Variants in ABCB1 observed in about 807,000 individuals in gnomAD.
The protein encoded by ABCB1 is ATP binding cassette subfamily B member 1.
Under a neutral mutation model 142.0 loss-of-function variants are expected in ABCB1, and 69 were observed. The ratio of observed to expected loss-of-function variants is 0.49; its 90% CI spans 0.40 to 0.59. The LOEUF is 0.59. Among genes scored for constraint, ABCB1 ranks in the 20% least tolerant of loss-of-function variants. The pLI, the probability that ABCB1 is intolerant of heterozygous loss-of-function variation, is 0.00. For synonymous variants in ABCB1, 532 were observed against 539.2 expected, an observed-to-expected ratio of 0.99 and a Z score of 0.18; for missense variants, 1,326 against 1,554.7, an observed-to-expected ratio of 0.85 and a Z score of 2.47.
At chr7:87,517,499 G>C (rs958995082) in intron 23 of ABCB1, among the ~76,000 whole-genome samples, 10 of 152,112 alleles carry the variant, frequency 6.6e-5, no homozygotes, top group African/African-American at 2.4e-4. Context: ...AGACACATGA[G>C]TAAGTCCAGC....
chr7:87,562,754 C>G (rs541540137), intron 7 of ABCB1, among the ~76,000 whole-genome samples: 1 of 141,090 alleles, frequency 7.1e-6, no homozygotes, highest in African/African-American at 2.7e-5. Context: ...GAGATCATGT[C>G]TGTGAAAAGA....
At chr7:87,631,019 G>A (rs1415044154) in intron 1 of ABCB1, among the ~76,000 whole-genome samples, 4 of 152,142 alleles carry the variant, frequency 2.6e-5, no homozygotes, top group Admixed American at 1.3e-4. Flanking sequence ...AAATGAATAT[G>A]TGCTAACTTT....
chr7:87,667,082 G>T (rs1343574109), intron 1 of ABCB1, among the ~76,000 whole-genome samples: 1 of 152,164 alleles, frequency 6.6e-6, no homozygotes, highest in African/African-American at 2.4e-5. Context: ...GCTTTGGGCA[G>T]TATAGCCATT....
intron 1 of ABCB1, chr7:87,628,667 A>T (rs927620536): frequency 2.4e-6 from 1 of 415,550 alleles, no homozygotes; most frequent in African/African-American, 2.1e-5. Context: ...CCCGGGTGCG[A>T]GTCCCTGCTG....
At chr7:87,668,952 G>A (rs1378163644) in intron 1 of ABCB1, among the ~76,000 whole-genome samples, 1 of 152,008 alleles carries the variant, frequency 6.6e-6, no homozygotes, top group Non-Finnish European at 1.5e-5. Context: ...GTATATTCTG[G>A]TGTTTTTTGG....
At chr7:87,707,738 C>T (rs1829737037) in intron 1 of ABCB1, among the ~76,000 whole-genome samples, 1 of 151,918 alleles carries the variant, frequency 6.6e-6, no homozygotes, top group Non-Finnish European at 1.5e-5. Context: ...ACATTCTTAT[C>T]ATACACCCAG....
At chr7:87,656,524 T>C (rs1353240903) in intron 1 of ABCB1, among the ~76,000 whole-genome samples, 4 of 151,824 alleles carry the variant, frequency 2.6e-5, no homozygotes, top group African/African-American at 7.3e-5. Context: ...AGGTTTGTTT[T>C]GGACACTTGA....
chr7:87,673,999 G>A (rs1025239502), intron 1 of ABCB1, among the ~76,000 whole-genome samples: 5 of 152,098 alleles, frequency 3.3e-5, no homozygotes, highest in Admixed American at 6.5e-5. Context: ...AGCACTCCTC[G>A]GCTGTGTGCT....
At chr7:87,607,115 A>T (rs1819682585) in intron 1 of ABCB1, among the ~76,000 whole-genome samples, 1 of 152,318 alleles carries the variant, frequency 6.6e-6, no homozygotes, top group East Asian at 1.9e-4. Context: ...AAGAAAATAC[A>T]TGGGAGGCTG....
At chr7:87,513,939 T>A (rs28401801) in intron 25 of ABCB1, among the ~76,000 whole-genome samples, 4,375 of 152,274 alleles carry the variant, frequency 0.029, 213 homozygotes, top group African/African-American at 0.099. Flanking sequence ...GACGTCTTTA[T>A]TTAGAGTCCT....
Position 87,515,316 on chromosome 7 carries a change from A to T in ABCB1, c.3197T>A (p.Leu1066Gln). The change falls in exon 25 of 28, where the codon CTG becomes CAG. Residue 1066 changes from leucine to glutamine, a missense_variant. Physicochemically the swap from Leu to Gln is moderately radical, Grantham distance 113. Transcript: ENST00000622132. ...LSLEVKKGQT[L>Q]ALVGSSGCGK... is the part of the protein sequence containing the mutation. ...ACAGCCACTGCTGCCCACCAGAGCC[A>T]GCGTCTGGCCCTTCTTCACCTCCAG... 1 of 1,614,224 alleles carries T rather than the reference A, an allele frequency of 6.2e-7. No homozygotes were observed. Among genetic ancestry groups the T allele is most frequent in the Non-Finnish European group, 8.5e-7 (1 of 1,180,030 alleles).
In ABCB1 at chr7:87,549,865, T is replaced by C. The variant is rs148455513; in HGVS notation, c.1540A>G (p.Met514Val). The C allele has an allele frequency of 4.3e-6, 7 of 1,614,104 alleles. No individual in the cohort carries two copies. Among genetic ancestry groups the C allele is most frequent in the Non-Finnish European group, 5.1e-6 (6 of 1,180,046 alleles). ...VKEANAYDFI[M>V]KLPHKFDTLV... ...GGACAACTTACATGAGGCAGTTTCATGATAAAGTCATAGGCATTGGCTTCC... is the reference window on the plus strand; with the variant it reads ...GGACAACTTACATGAGGCAGTTTCACGATAAAGTCATAGGCATTGGCTTCC... Residue 514 changes from methionine (M) to valine (V), a missense_variant, in exon 13 of 28, where the codon ATG becomes GTG. Met to Val is a conservative substitution (Grantham distance 21, BLOSUM62 1). Coordinates refer to ENST00000622132, the MANE Select transcript of ABCB1 (RefSeq NM_001348946.2).
At position 87,509,330 on chromosome 7, in the gene ABCB1, A is replaced by G; in HGVS notation, c.3434T>C (p.Ile1145Thr). 2 of 1,614,044 alleles carry G rather than the reference A, an allele frequency of 1.2e-6. No individual in the cohort carries two copies. Among genetic ancestry groups the G allele is most frequent in the Non-Finnish European group, 1.7e-6 (2 of 1,180,012 alleles). The change falls in exon 26 of 28, where the codon ATT (isoleucine) becomes ACT (threonine). Residue 1145 changes from isoleucine to threonine, a missense_variant. Transcript: ENST00000622132. Reference sequence around the variant, plus strand: ...GTTGGCCTCCTTTGCTGCCCTCACAATCTCTTCCTGTGACACCACCCGGCT... The same window carrying G: ...GTTGGCCTCCTTTGCTGCCCTCACAGTCTCTTCCTGTGACACCACCCGGCT... ...DNSRVVSQEE[I>T]VRAAKEANIH...
chr7:87,661,587 A>C (rs1824721390), intron 1 of ABCB1, among the ~76,000 whole-genome samples: 1 of 151,994 alleles, frequency 6.6e-6, no homozygotes, highest in African/African-American at 2.4e-5. Flanking sequence ...GTGTTTTTGC[A>C]AATGATAGGA....
intron 4 of ABCB1, among the ~76,000 whole-genome samples, chr7:87,571,925 T>C (rs1000149378): frequency 3.9e-5 from 6 of 152,112 alleles, no homozygotes; most frequent in Admixed American, 1.3e-4. Flanking sequence ...GAAAACTCCA[T>C]TAAAGGGTAA....
intron 2 of ABCB1, among the ~76,000 whole-genome samples, chr7:87,597,511 C>A (rs557073752): frequency 6.6e-6 from 1 of 151,848 alleles, no homozygotes; most frequent in Non-Finnish European, 1.5e-5. Flanking sequence ...CATGATAGAA[C>A]CAATAATAGA....
intron 1 of ABCB1, chr7:87,650,950 A>G: frequency 7.0e-7 from 1 of 1,428,828 alleles, no homozygotes; most frequent in Non-Finnish European, 9.9e-7. Context: ...AAAAGCACTA[A>G]TGTACTATTT....
rs114847673 is a variant in ABCB1, at chr7:87,504,488, C to G, written c.3637-39G>C. 6.2e-6 allele frequency: 10 copies of G among 1,611,198 alleles called. No homozygotes were observed. In the African/African-American group the frequency reaches 1.3e-4, roughly 22 times the overall value. The stretch of plus-strand genomic sequence containing the variant: ...ACATAGATTAATTCTCATAATAGTT[C>G]TTTTCCCTAATTCCTCTTCCATAAA... On this transcript the variant is annotated intron_variant, in intron 27 of 27. Coordinates refer to ENST00000622132, the MANE Select transcript of ABCB1 (RefSeq NM_001348946.2).
chr7:87,588,007 A>T (rs576086485), intron 3 of ABCB1, among the ~76,000 whole-genome samples: 2 of 152,094 alleles, frequency 1.3e-5, no homozygotes, highest in Non-Finnish European at 2.9e-5. Flanking sequence ...GAAATAGCTG[A>T]CTGATCAAAA....
Sources: allele counts gnomAD v4.1 joint callset (sites outside exome capture counted in the v4.1 genomes callset), GRCh38; gene constraint gnomAD v4.1.1; transcripts MANE v1.5; gene names NCBI Gene and HGNC (gene_info 2026-07-23, HGNC 2026-07-21).